The following AP3D1 variants were observed in gnomAD, a reference collection of about 807,000 sequenced individuals.
The protein encoded by AP3D1 is AP-3 complex subunit delta-1.
A neutral mutation model predicts 147.6 loss-of-function variants in AP3D1; 51 were observed. That is an observed-to-expected ratio of 0.35 (90% CI 0.28 to 0.44). AP3D1 has a LOEUF of 0.44. AP3D1 is among the 20% of genes least tolerant of loss of function. AP3D1 has a pLI of 1.00. For synonymous variants in AP3D1, 760 were observed against 663.0 expected, an observed-to-expected ratio of 1.15 and a Z score of -2.25; for missense variants, 1,421 against 1,624.2, an observed-to-expected ratio of 0.87 and a Z score of 2.15.
intron 31 of AP3D1, among the ~76,000 whole-genome samples, chr19:2,103,210 T>A (rs943154485): frequency 6.8e-6 from 1 of 147,592 alleles, no homozygotes; most frequent in Non-Finnish European, 1.5e-5. Context: ...TTTGCGAATT[T>A]GCTAATTATT....
rs768665050 is a variant in AP3D1, at chr19:2,121,293, T to G, written c.1120A>C (p.Met374Leu). ...LYGMVSKKNLMEIVKKLMTHV... is the reference protein window; with the variant it reads ...LYGMVSKKNLLEIVKKLMTHV... ...GTCATCAGCTTCTTCACGATCTCCA[T>G]CAGGTTCTTCTTGGACACCTGGGCA... The change falls in exon 13 of 32, where the codon ATG becomes CTG. Residue 374 changes from methionine (M) to leucine (L), a missense_variant. Physicochemically the swap from Met to Leu is conservative, Grantham distance 15. Transcript: ENST00000643116. 7.4e-6 allele frequency: 12 copies of G among 1,614,020 alleles called. No homozygotes were observed. The highest frequency in any genetic ancestry group is 9.3e-6 in the Non-Finnish European group (11 of 1,180,018).
intron 10 of AP3D1, among the ~76,000 whole-genome samples, 157 bp downstream of exon 10, chr19:2,123,673 T>G (rs1488726480): frequency 6.6e-6 from 1 of 151,992 alleles, no homozygotes; most frequent in Non-Finnish European, 1.5e-5. Context: ...CAGGCTCGGG[T>G]AGGTAGTGCA....
At chr19:2,121,377 C>A in intron 12 of AP3D1, 66 bp from the exon 13 acceptor site, 1 of 1,557,362 alleles carries the variant, frequency 6.4e-7, no homozygotes. Flanking sequence ...GTGAGACACC[C>A]AACACCTGCT....
intron 9 of AP3D1, among the ~76,000 whole-genome samples, chr19:2,124,150 C>A (rs2018688263): frequency 6.6e-6 from 1 of 152,246 alleles, no homozygotes; most frequent in African/African-American, 2.4e-5. Flanking sequence ...GGTTCACTCG[C>A]AACCCCTGCT....
At chr19:2,154,273 TG>T (rs956460533), upstream of AP3D1, among the ~76,000 whole-genome samples, 5 of 127,756 alleles carry the variant, frequency 3.9e-5, no homozygotes, top group Admixed American at 1.6e-4. Flanking sequence ...TATTTATTTA[TG>T]GTTTTTTTTT....
upstream of AP3D1, among the ~76,000 whole-genome samples, chr19:2,153,649 T>A (rs1599505251): frequency 7.1e-6 from 1 of 141,296 alleles, no homozygotes; most frequent in African/African-American, 2.7e-5. Context: ...CACTCAAGCC[T>A]GGGAGACAGA....
intron 1 of AP3D1, among the ~76,000 whole-genome samples, chr19:2,158,459 A>C (rs1189689061): frequency 6.6e-6 from 1 of 150,378 alleles, no homozygotes; most frequent in Non-Finnish European, 1.5e-5. Flanking sequence ...GGGCTCAAGC[A>C]GGGGCCCAGC....
chr19:2,136,803 C>T (rs1029158919), intron 4 of AP3D1, among the ~76,000 whole-genome samples: 2 of 152,218 alleles, frequency 1.3e-5, no homozygotes, highest in Admixed American at 1.3e-4. Context: ...CATCCCTCCA[C>T]CTCACAAGCC....
chr19:2,137,232 G>A (rs1037236635), intron 3 of AP3D1, 141 bp from the exon 4 acceptor site: 1 of 691,802 alleles, frequency 1.4e-6, no homozygotes, highest in Non-Finnish European at 2.5e-6. Flanking sequence ...CCACCAGCAA[G>A]TGGGAACCAA....
chr19:2,139,737 G>A (rs547104050), intron 1 of AP3D1, among the ~76,000 whole-genome samples: 21 of 152,322 alleles, frequency 1.4e-4, no homozygotes, highest in Middle Eastern at 3.4e-3. Context: ...ACGGCTGCCC[G>A]GGCCCCGTCC....
intron 1 of AP3D1, among the ~76,000 whole-genome samples, chr19:2,147,987 C>T (rs1352831840): frequency 6.6e-6 from 1 of 151,332 alleles, no homozygotes; most frequent in African/African-American, 2.4e-5. Flanking sequence ...ATTGAGACCA[C>T]GGTGAAAGCC....
At position 2,118,779 on chromosome 19, in the gene AP3D1, G is replaced by A; in HGVS notation, c.1535C>T (p.Thr512Ile). ...GGCCTGGATGTGGCCTGGCAGCGTG[G>A]TGACTCTGGGCCGCAGCATGGCCTC... ...TLEAMLRPRV[T>I]TLPGHIQAVY... The change falls in exon 15 of 32, where the codon ACC (threonine) becomes ATC (isoleucine). Residue 512 changes from threonine (T) to isoleucine (I), a missense_variant. Physicochemically the swap from Thr to Ile is moderately conservative, Grantham distance 89. This residue lies in a region of AP3D1 where 310 missense variants were observed against 388.1 expected (regional missense o/e 0.80). Transcript: ENST00000643116. The A allele has an allele frequency of 1.2e-6, 2 of 1,613,810 alleles. No individual in the cohort carries two copies. Among genetic ancestry groups the A allele is most frequent in the African/African-American group, 2.7e-5 (2 of 75,068 alleles).
chr19:2,103,030 G>C (rs992810041), intron 31 of AP3D1, among the ~76,000 whole-genome samples: 1 of 151,532 alleles, frequency 6.6e-6, no homozygotes, highest in Non-Finnish European at 1.5e-5. Context: ...AGGCTGAGGC[G>C]GGAGGGTCGC....
intron 24 of AP3D1, chr19:2,112,174 A>G (rs1179976667): frequency 8.8e-6 from 3 of 340,838 alleles, no homozygotes; most frequent in Non-Finnish European, 1.1e-5. Context: ...ATCCACGCGC[A>G]CTGCGCAGAT....
chr19:2,132,240 T>C (rs1435582548), intron 5 of AP3D1, among the ~76,000 whole-genome samples: 1 of 152,188 alleles, frequency 6.6e-6, no homozygotes, highest in Non-Finnish European at 1.5e-5. Flanking sequence ...AGGGACACCC[T>C]GTTGCTCCTC....
chr19:2,113,070 G>T, intron 23 of AP3D1, 103 bp from the exon 24 acceptor site: 1 of 827,768 alleles, frequency 1.2e-6, no homozygotes, highest in Non-Finnish European at 1.9e-6. Flanking sequence ...TTGCCCTCAC[G>T]CCTGCCTGAG....
At chr19:2,154,374 A>G (rs959997926), upstream of AP3D1, among the ~76,000 whole-genome samples, 2 of 147,182 alleles carry the variant, frequency 1.4e-5, no homozygotes, top group Non-Finnish European at 3.0e-5. Flanking sequence ...CCACCTCCCT[A>G]GTTCAAGCGA....
chr19:2,138,591 T>TGGGCGCTGGCCACTGGG (rs2019137693), intron 2 of AP3D1, 28 bp downstream of exon 2: 1 of 1,572,864 alleles, frequency 6.4e-7, no homozygotes, highest in South Asian at 1.1e-5. Flanking sequence ...CCGACAGTGC[T>TGGGCGCTGGCCACTGGG]GGGCGCTGGC....
At chr19:2,121,430 A>G in intron 12 of AP3D1, 119 bp from the exon 13 acceptor site, 2 of 1,329,002 alleles carry the variant, frequency 1.5e-6, no homozygotes, top group Non-Finnish European at 2.1e-6. Context: ...CCGGATTCAC[A>G]GATCGATGCC....
Sources: allele counts gnomAD v4.1 joint callset (sites outside exome capture counted in the v4.1 genomes callset), GRCh38; gene constraint gnomAD v4.1.1; regional missense constraint gnomAD v4.1.1; transcripts MANE v1.5; gene names NCBI Gene and HGNC (gene_info 2026-07-23, HGNC 2026-07-21).